The following PRKACB variants were observed in gnomAD, a reference collection of about 807,000 sequenced individuals.
The protein encoded by PRKACB is cAMP-dependent protein kinase catalytic subunit beta.
A neutral mutation model predicts 51.4 loss-of-function variants in PRKACB; 16 were observed. The observed-to-expected ratio is 0.31, with a 90% CI of 0.21 to 0.47. The LOEUF (loss-of-function observed/expected upper bound fraction) is 0.47. Among genes scored for constraint, PRKACB ranks in the 20% least tolerant of loss-of-function variants. The pLI, the probability that PRKACB is intolerant of heterozygous loss-of-function variation, is 1.00. For missense variants in PRKACB, 309 were observed against 464.5 expected (o/e 0.67, Z 3.08); for synonymous variants, 147 against 154.4 (o/e 0.95, Z 0.35).
At chr1:84,195,037 T>C (rs894393813) in intron 5 of PRKACB, among the ~76,000 whole-genome samples, 3 of 152,224 alleles carry the variant, frequency 2.0e-5, no homozygotes, top group African/African-American at 7.2e-5. Flanking sequence ...ACATTTTACA[T>C]TTACAGATGC....
At chr1:84,142,148 A>G (rs576685025), upstream of PRKACB, among the ~76,000 whole-genome samples, 31 of 152,172 alleles carry the variant, frequency 2.0e-4, no homozygotes, top group Non-Finnish European at 3.4e-4. Flanking sequence ...TAACATGTTT[A>G]TTGAGTATGT....
intron 9 of PRKACB, among the ~76,000 whole-genome samples, chr1:84,223,536 A>AT (rs1002127130): frequency 2.6e-5 from 4 of 151,454 alleles, no homozygotes; most frequent in African/African-American, 9.7e-5. Context: ...GCCCCGGCTA[A>AT]TTTTTTGTAT....
At chr1:84,078,098 TCGCCGCCGCCGCCGCCGC>T, upstream of PRKACB, 1 of 419,676 alleles carries the variant, frequency 2.4e-6, no homozygotes, top group Non-Finnish European at 4.1e-6. Flanking sequence ...GCCACCGCCG[TCGCCGCCGCCGCCGCCGC>T]CGCCGCTGCT....
intron 1 of PRKACB, among the ~76,000 whole-genome samples, chr1:84,112,783 G>A (rs1424329312): frequency 6.6e-6 from 1 of 152,130 alleles, no homozygotes; most frequent in Non-Finnish European, 1.5e-5. Context: ...GTGTCTGATA[G>A]GGCTCCCAAG....
At chr1:84,223,675 G>A (rs111919057) in intron 9 of PRKACB, among the ~76,000 whole-genome samples, 2,303 of 152,052 alleles carry the variant, frequency 0.015, 17 homozygotes, top group South Asian at 0.053. Flanking sequence ...GGCCTGTTTG[G>A]TTCTTTTTTA....
intron 5 of PRKACB, among the ~76,000 whole-genome samples, chr1:84,195,690 A>G (rs1572311663): frequency 6.6e-6 from 1 of 152,052 alleles, no homozygotes; most frequent in African/African-American, 2.4e-5. Context: ...AGGCGGGTGG[A>G]TCATTTGAGG....
At chr1:84,105,526 A>G (rs1649668904) in intron 1 of PRKACB, among the ~76,000 whole-genome samples, 1 of 151,890 alleles carries the variant, frequency 6.6e-6, no homozygotes, top group Non-Finnish European at 1.5e-5. Context: ...TAGCATTTAC[A>G]GATAACCACT....
chr1:84,234,242 G>A (rs1314484800), intron 9 of PRKACB, among the ~76,000 whole-genome samples: 1 of 152,250 alleles, frequency 6.6e-6, no homozygotes, highest in Non-Finnish European at 1.5e-5. Flanking sequence ...CAGGGGTCAG[G>A]GACCCACTTG....
chr1:84,102,520 G>A (rs1450147833), intron 1 of PRKACB, among the ~76,000 whole-genome samples: 1 of 152,204 alleles, frequency 6.6e-6, no homozygotes, highest in African/African-American at 2.4e-5. Context: ...TGAGGCCCAA[G>A]GTAGAGAAAG....
intron 1 of PRKACB, among the ~76,000 whole-genome samples, chr1:84,150,831 G>A (rs972197383): frequency 6.6e-6 from 1 of 152,010 alleles, no homozygotes; most frequent in Non-Finnish European, 1.5e-5. Context: ...TGCCAAAATA[G>A]ACCAGTCCAT....
rs28730700 is a variant in PRKACB, at chr1:84,197,844, A to G, written c.783+20A>G. The G allele has an allele frequency of 9.7e-5, 149 of 1,529,228 alleles. 1 individual carries two copies. Among genetic ancestry groups the G allele is most frequent in the Non-Finnish European group, 1.3e-4 (141 of 1,108,822 alleles). 94.7% of individuals were successfully genotyped at this position (1,529,228 alleles called of 1,614,324 possible). A position where few individuals can be genotyped will look rare whatever the true frequency, so the allele number is the denominator to read the frequency against. On this transcript the variant is annotated intron_variant, in intron 7 of 9. Transcript: ENST00000370685. Reference sequence around the variant, plus strand: ...AGCAAGGTATATTCATAATATCAACACATAAGAAGTAGAAATATGAGACAT... The same window carrying G: ...AGCAAGGTATATTCATAATATCAACGCATAAGAAGTAGAAATATGAGACAT...
intron 9 of PRKACB, among the ~76,000 whole-genome samples, chr1:84,232,580 A>G (rs1675896264): frequency 6.6e-6 from 1 of 152,134 alleles, no homozygotes; most frequent in Non-Finnish European, 1.5e-5. Flanking sequence ...GACTTGCTTT[A>G]TGAATCTGGG....
At chr1:84,212,283 T>C (rs565014222) in intron 8 of PRKACB, among the ~76,000 whole-genome samples, 1 of 150,360 alleles carries the variant, frequency 6.7e-6, no homozygotes, top group East Asian at 1.9e-4. Flanking sequence ...ATCTACATTT[T>C]TATCCTTTTG....
intron 7 of PRKACB, among the ~76,000 whole-genome samples, chr1:84,199,068 T>TAC (rs1236961965): frequency 1.9e-5 from 1 of 51,966 alleles, no homozygotes; most frequent in South Asian, 4.8e-4. Context: ...TGCGTATATA[T>TAC]GCATATATGT....
At chr1:84,160,332 G>C (rs1656023899) in intron 1 of PRKACB, among the ~76,000 whole-genome samples, 1 of 151,372 alleles carries the variant, frequency 6.6e-6, no homozygotes, top group African/African-American at 2.4e-5. Context: ...TATATGATTG[G>C]GATAAGGTTG....
rs1397061610 is a variant in PRKACB, at chr1:84,237,105, A to G, written c.*1800A>G. ...GTTTCTGCATGGTAATGTCATGTAA[A>G]TGCTGATATTGATTTCACTGGTCCA... On this transcript the variant is annotated 3_prime_UTR_variant, in exon 10 of 10. Coordinates refer to ENST00000370685, the MANE Select transcript of PRKACB (RefSeq NM_182948.4). 1 of 152,428 alleles carries G rather than the reference A, an allele frequency of 6.6e-6. No individual in the cohort carries two copies. Among genetic ancestry groups the G allele is most frequent in the African/African-American group, 2.4e-5 (1 of 41,452 alleles). 9.4% of individuals were successfully genotyped at this position (152,428 alleles called of 1,614,324 possible). A position where few individuals can be genotyped will look rare whatever the true frequency, so the allele number is the denominator to read the frequency against.
intron 5 of PRKACB, among the ~76,000 whole-genome samples, chr1:84,191,733 C>T (rs1265422627): frequency 3.3e-5 from 5 of 152,006 alleles, no homozygotes; most frequent in South Asian, 2.1e-4. Flanking sequence ...GGGTGCTATG[C>T]TCACCACCTG....
rs375683121 is a variant in PRKACB at position 84,223,429 on chromosome 1, C to T, written c.1071+9112C>T. ...TGTCGCCCAGGCAAGAGTGCAGTGG[C>T]GTGATCTCAACTCACTGCAAGCTCC... On this transcript the variant is annotated intron_variant, in intron 9 of 9. Coordinates refer to ENST00000370685, the MANE Select transcript of PRKACB (RefSeq NM_182948.4). Among the ~76,000 whole-genome samples, 195 of 145,972 alleles carry T rather than the reference C, an allele frequency of 1.3e-3. 2 individuals are homozygous for T. Among genetic ancestry groups the T allele is most frequent in the African/African-American group, 4.8e-3 (187 of 39,292 alleles).
intron 7 of PRKACB, among the ~76,000 whole-genome samples, chr1:84,198,456 G>A (rs1668801543): frequency 6.6e-6 from 1 of 152,070 alleles, no homozygotes; most frequent in African/African-American, 2.4e-5. Flanking sequence ...GAAAAGGAAG[G>A]GGATAAGACA....
Sources: allele counts gnomAD v4.1 joint callset (sites outside exome capture counted in the v4.1 genomes callset), GRCh38; gene constraint gnomAD v4.1.1; transcripts MANE v1.5; gene names NCBI Gene and HGNC (gene_info 2026-07-23, HGNC 2026-07-21).